The following ITGB6 variants were observed in gnomAD, a reference collection of about 807,000 sequenced individuals.
The protein encoded by ITGB6 is integrin beta-6.
In ITGB6, 80 loss-of-function variants were observed where a neutral mutation model predicts 84.5. The observed-to-expected ratio is 0.95, with a 90% CI of 0.79 to 1.14. The LOEUF (loss-of-function observed/expected upper bound fraction) is 1.14. ITGB6 is among the 50% of genes most tolerant of loss of function. The pLI is 0.00. For synonymous variants in ITGB6, 383 were observed against 354.9 expected (o/e 1.08, Z -0.89); for missense variants, 1,006 against 968.0 (o/e 1.04, Z -0.52).
At chr2:160,179,427 C>T (rs1284457248) in intron 4 of ITGB6, among the ~76,000 whole-genome samples, 6 of 133,898 alleles carry the variant, frequency 4.5e-5, no homozygotes, top group Admixed American at 1.7e-4. Flanking sequence ...CTCACTCTGT[C>T]GCCCAGGCTG....
rs1696969672 is a variant in ITGB6, at chr2:160,107,813, T to C, written c.2134A>G (p.Met712Val). The C allele has an allele frequency of 2.5e-6, 4 of 1,611,008 alleles. No homozygotes were observed. The highest frequency in any genetic ancestry group is 2.5e-6 in the Non-Finnish European group (3 of 1,178,116). Residue 712 changes from methionine to valine, a missense_variant, in exon 14 of 15, where the codon ATG becomes GTG. Transcript: ENST00000283249. Reference protein sequence around the residue: ...CPKPPNIPMIMLGVSLAILLI... With the variant: ...CPKPPNIPMIVLGVSLAILLI... The stretch of plus-strand genomic sequence containing the variant: ...AGAATAGCCAGGGAAACCCCTAACA[T>C]GATCATGGGAATGTTTGGAGGCTTC...
At chr2:160,192,224 A>G (rs1686168937) in intron 4 of ITGB6, among the ~76,000 whole-genome samples, 1 of 152,170 alleles carries the variant, frequency 6.6e-6, no homozygotes, top group South Asian at 2.1e-4. Flanking sequence ...GACTTTTTAT[A>G]AAGCTCTGTA....
Position 160,195,661 on chromosome 2 carries a change from A to G in ITGB6, c.347-46T>C, listed in dbSNP as rs1324569410. 6.8e-6 allele frequency: 11 copies of G among 1,608,570 alleles called. 1 individual carries two copies. The South Asian group carries it at 1.2e-4, about 18-fold the overall frequency. On this transcript the variant is annotated intron_variant, in intron 3 of 14. Coordinates refer to ENST00000283249, the MANE Select transcript of ITGB6 (RefSeq NM_000888.5). ...AGCAAACCCAGGAAAACACACTGAG[A>G]TTTATTTGCTACTGGCCACTCGCTG...
rs199789604 is a variant in ITGB6 at position 160,195,341 on chromosome 2, A to T, written c.593+28T>A. 3 of 1,613,172 alleles carry T rather than the reference A, an allele frequency of 1.9e-6. No homozygotes were observed. The Admixed American group carries it at 5.0e-5, about 27-fold the overall frequency. On this transcript the variant is annotated intron_variant, in intron 4 of 14. Transcript: ENST00000283249. ...GTATCTCCACAGAAAATCAGCGCAC[A>T]AAGATGCCAAGAGAATCATTTACTT...
intron 12 of ITGB6, among the ~76,000 whole-genome samples, chr2:160,117,187 C>G (rs1682820050): frequency 6.6e-6 from 1 of 152,122 alleles, no homozygotes; most frequent in African/African-American, 2.4e-5. Context: ...ACAGAACTCT[C>G]CACCCCAAAT....
intron 4 of ITGB6, among the ~76,000 whole-genome samples, chr2:160,178,689 T>A (rs1194766240): frequency 1.8e-5 from 1 of 55,368 alleles, no homozygotes; most frequent in African/African-American, 6.7e-5. Context: ...TCTCTCTCTC[T>A]TTTTTTTTTT....
intron 14 of ITGB6, among the ~76,000 whole-genome samples, chr2:160,103,178 G>C (rs941051379): frequency 1.3e-5 from 2 of 151,706 alleles, no homozygotes; most frequent in African/African-American, 4.8e-5. Context: ...TCTAGGGGTG[G>C]ATTTGAAAAA....
chr2:160,172,421 G>A, intron 6 of ITGB6, 148 bp downstream of exon 6: 1 of 703,104 alleles, frequency 1.4e-6, no homozygotes, highest in Non-Finnish European at 2.3e-6. Context: ...AGGATGGTGA[G>A]AATCGAGCTG....
chr2:160,138,412 T>C (rs1315947949), intron 8 of ITGB6, among the ~76,000 whole-genome samples: 2 of 152,250 alleles, frequency 1.3e-5, no homozygotes, highest in Non-Finnish European at 2.9e-5. Flanking sequence ...CATTATAAGA[T>C]ACACCATTAT....
chr2:160,129,653 C>T (rs1239133173), intron 10 of ITGB6, among the ~76,000 whole-genome samples: 1 of 152,060 alleles, frequency 6.6e-6, no homozygotes, highest in Admixed American at 6.6e-5. Flanking sequence ...AGAAAAAAAT[C>T]ACAAGTGAAA....
At chr2:160,192,884 G>A (rs72982044) in intron 4 of ITGB6, among the ~76,000 whole-genome samples, 23,546 of 151,956 alleles carry the variant, frequency 0.15, 2,443 homozygotes, top group Non-Finnish European at 0.24. Context: ...CACAGGAAAA[G>A]GAGCTCAACA....
At chr2:160,150,988 ACC>A (rs1252636727) in intron 7 of ITGB6, among the ~76,000 whole-genome samples, 1 of 152,026 alleles carries the variant, frequency 6.6e-6, no homozygotes, top group Non-Finnish European at 1.5e-5. Context: ...AGACTTAGAC[ACC>A]CATATAATAA....
Position 160,169,221 on chromosome 2 carries a change from A to G in ITGB6, c.1008T>C (p.His336=). The part of the protein sequence containing the change: ...LIFAVTQEQV[H]LYENYAKLIP... The stretch of plus-strand genomic sequence containing the variant: ...AGTTATTTTTGCTTACCTCATATAA[A>G]TGAACTTGTTCTTGGGTTACAGCGA... The change falls in exon 7 of 15, where the codon CAT becomes CAC. Residue 336 remains histidine, a synonymous_variant. Transcript: ENST00000283249. 2.5e-6 allele frequency: 4 copies of G among 1,591,048 alleles called. No homozygotes were observed. Among genetic ancestry groups the G allele is most frequent in the Non-Finnish European group, 1.7e-6 (2 of 1,168,210 alleles).
chr2:160,128,611 G>A (rs964832415), intron 10 of ITGB6, among the ~76,000 whole-genome samples: 4 of 152,088 alleles, frequency 2.6e-5, no homozygotes, highest in African/African-American at 9.7e-5. Context: ...ATATATATTC[G>A]GGAATGGAAT....
chr2:160,191,572 G>A (rs985835006), intron 4 of ITGB6, among the ~76,000 whole-genome samples: 17 of 152,082 alleles, frequency 1.1e-4, no homozygotes, highest in Admixed American at 9.8e-4. Flanking sequence ...CATACTTAAT[G>A]GTAAAACACT....
intron 2 of ITGB6, among the ~76,000 whole-genome samples, chr2:160,197,275 G>A (rs1169175331): frequency 6.6e-6 from 1 of 151,876 alleles, no homozygotes; most frequent in Non-Finnish European, 1.5e-5. Flanking sequence ...TAGCCTGGGC[G>A]ACAGAGCAAG....
chr2:160,104,111 C>T (rs1475138513), intron 14 of ITGB6, among the ~76,000 whole-genome samples: 2 of 152,242 alleles, frequency 1.3e-5, no homozygotes, highest in South Asian at 2.1e-4. Flanking sequence ...TTGGGAGTCC[C>T]TTGCAATACT....
intron 4 of ITGB6, among the ~76,000 whole-genome samples, chr2:160,194,050 G>A (rs575045987): frequency 1.3e-5 from 2 of 152,044 alleles, no homozygotes; most frequent in Non-Finnish European, 2.9e-5. Flanking sequence ...TCAGCTACTC[G>A]GGAGGCTGAC....
intron 8 of ITGB6, among the ~76,000 whole-genome samples, chr2:160,139,564 A>G (rs1262072466): frequency 1.3e-5 from 2 of 152,204 alleles, no homozygotes; most frequent in Non-Finnish European, 2.9e-5. Flanking sequence ...GAGCTAGAAG[A>G]CTGTGACAGC....
Sources: allele counts gnomAD v4.1 joint callset (sites outside exome capture counted in the v4.1 genomes callset), GRCh38; gene constraint gnomAD v4.1.1; transcripts MANE v1.5; gene names NCBI Gene and HGNC (gene_info 2026-07-23, HGNC 2026-07-21).